Variants in SNX25 observed in about 807,000 individuals in gnomAD.
SNX25 encodes the protein sorting nexin 25, also known as sorting nexin-25.
SNX25 carries 62 observed loss-of-function variants against 113.7 expected under a neutral mutation model. The observed-to-expected ratio is 0.55, with a 90% CI of 0.44 to 0.67. The LOEUF is 0.67. Ranked by LOEUF, SNX25 falls within the 30% of genes least tolerant of loss-of-function variation. The pLI is 0.00. For synonymous variants in SNX25, 421 were observed against 436.2 expected (o/e 0.97, Z 0.43); for missense variants, 1,014 against 1,161.0 (o/e 0.87, Z 1.84).
chr4:185,305,152 G>A (rs1439258838), intron 6 of SNX25, among the ~76,000 whole-genome samples: 1 of 152,126 alleles, frequency 6.6e-6, no homozygotes, highest in Non-Finnish European at 1.5e-5. Context: ...TTTGGTTGTC[G>A]TCTTTGGGGG....
At chr4:185,216,516 T>G (rs1194568244) in intron 1 of SNX25, among the ~76,000 whole-genome samples, 1 of 120,072 alleles carries the variant, frequency 8.3e-6, no homozygotes, top group Non-Finnish European at 2.0e-5. Flanking sequence ...GTATTTGGTT[T>G]TTTTTTTTTT....
Position 185,258,892 on chromosome 4 carries a change from A to G in SNX25, c.559A>G (p.Asn187Asp). The G allele has an allele frequency of 6.2e-7, 1 of 1,614,088 alleles. No homozygotes were observed. Among genetic ancestry groups the G allele is most frequent in the South Asian group, 1.1e-5 (1 of 91,080 alleles). ...AGATTACATTCTGTCCTGGTATGGA[A>G]ACCTCAGCAGAGATGAGGGACAACT... is the stretch of plus-strand genomic sequence containing the variant. ...YRDYILSWYG[N>D]LSRDEGQLYH... is the part of the protein sequence containing the mutation. Residue 187 changes from asparagine (N) to aspartate (D), a missense_variant, in exon 3 of 19, where the codon AAC becomes GAC. Physicochemically the swap from Asn to Asp is conservative, Grantham distance 23. Coordinates refer to ENST00000652585, the MANE Select transcript of SNX25 (RefSeq NM_001378034.2).
At chr4:185,332,532 C>G in intron 9 of SNX25, 63 bp from the exon 10 acceptor site, 1 of 1,443,832 alleles carries the variant, frequency 6.9e-7, no homozygotes, top group Non-Finnish European at 9.3e-7. Flanking sequence ...GGTATCGTGA[C>G]CGATAATAAT....
chr4:185,226,675 TC>T (rs942023638), intron 1 of SNX25, among the ~76,000 whole-genome samples: 15 of 152,328 alleles, frequency 9.8e-5, no homozygotes, highest in African/African-American at 3.4e-4. Flanking sequence ...GGTCTTGAAC[TC>T]CTGGGCTCAA....
At chr4:185,268,972 T>C (rs1198537700) in intron 5 of SNX25, among the ~76,000 whole-genome samples, 1 of 152,222 alleles carries the variant, frequency 6.6e-6, no homozygotes, top group African/African-American at 2.4e-5. Context: ...TATCTGGAGA[T>C]TTAATGTTTC....
Position 185,282,560 on chromosome 4 carries a change from A to G in SNX25, c.1092-5452A>G, listed in dbSNP as rs866614382. Among the ~76,000 whole-genome samples the G allele has an allele frequency of 2.0e-5, 3 of 152,278 alleles. No homozygotes were observed. In the Middle Eastern group the frequency reaches 0.01, roughly 518 times the overall value. ...TGTTGGGACGTGTTCAGAAACACAA[A>G]CTTGCTCTTTTTATTTAGCCACTTG... is the stretch of plus-strand genomic sequence containing the variant. On this transcript the variant is annotated intron_variant, in intron 5 of 18. Coordinates refer to ENST00000652585, the MANE Select transcript of SNX25 (RefSeq NM_001378034.2).
At chr4:185,344,664 T>C (rs2095276320) in intron 12 of SNX25, among the ~76,000 whole-genome samples, 1 of 150,146 alleles carries the variant, frequency 6.7e-6, no homozygotes, top group Non-Finnish European at 1.5e-5. Context: ...AAAACAAAGT[T>C]TGAAAACACG....
chr4:185,239,783 T>C (rs1010017326), intron 1 of SNX25, among the ~76,000 whole-genome samples: 1 of 149,700 alleles, frequency 6.7e-6, no homozygotes, highest in African/African-American at 2.4e-5. Context: ...TCTTTTTTTT[T>C]TTTTTTATTG....
chr4:185,252,686 T>C (rs531365300), intron 2 of SNX25, among the ~76,000 whole-genome samples: 1 of 152,342 alleles, frequency 6.6e-6, no homozygotes, highest in South Asian at 2.1e-4. Context: ...TGTGTGTAGA[T>C]ATTTTTGTCA....
At chr4:185,289,657 T>C (rs111613662) in intron 6 of SNX25, among the ~76,000 whole-genome samples, 1,709 of 152,306 alleles carry the variant, frequency 0.011, 22 homozygotes, top group South Asian at 0.05. Context: ...GATGAATTCC[T>C]GCAAGAGTGT....
chr4:185,210,054 C>T lies in SNX25; in HGVS notation c.228C>T (p.Pro76=). ...LAAVALSFLG[P]GSGEAAGAAG... is the part of the protein sequence containing the mutation. Reference sequence around the variant, plus strand: ...CCGTGGCCCTCTCCTTCCTGGGGCCCGGCAGCGGGGAGGCGGCGGGGGCCG... The same window carrying T: ...CCGTGGCCCTCTCCTTCCTGGGGCCTGGCAGCGGGGAGGCGGCGGGGGCCG... The change falls in exon 1 of 19, where the codon CCC becomes CCT. Residue 76 remains proline, a synonymous_variant. Transcript: ENST00000652585. The surrounding 1 kb of genome is among the most constrained non-coding windows in gnomAD (Gnocchi z 4.4). The T allele has an allele frequency of 1.0e-6, 1 of 983,274 alleles. No individual in the cohort carries two copies. Among genetic ancestry groups the T allele is most frequent in the African/African-American group, 1.8e-5 (1 of 57,018 alleles). The allele number at this position is 983,274 out of a possible 1,614,324, so 60.9% of individuals were successfully genotyped here.
chr4:185,244,011 T>C (rs1485385223), intron 1 of SNX25, among the ~76,000 whole-genome samples: 1 of 152,200 alleles, frequency 6.6e-6, no homozygotes, highest in East Asian at 1.9e-4. Context: ...TTCTTTCTTT[T>C]TTTTGAGACA....
chr4:185,351,708 A>G (rs60117447), intron 14 of SNX25, 99 bp downstream of exon 14: 26,697 of 1,262,764 alleles, frequency 0.021, 474 homozygotes, highest in Middle Eastern at 0.067. Flanking sequence ...ATTTTCAGTC[A>G]TTAGCACTGT....
chr4:185,216,859 A>G (rs948086805), intron 1 of SNX25, among the ~76,000 whole-genome samples: 4 of 152,152 alleles, frequency 2.6e-5, no homozygotes, highest in Non-Finnish European at 4.4e-5. Context: ...AATCATCTAA[A>G]GGAAGCAATA....
chr4:185,230,934 A>G (rs563521567), intron 1 of SNX25, among the ~76,000 whole-genome samples: 6 of 152,250 alleles, frequency 3.9e-5, no homozygotes, highest in East Asian at 3.9e-4. Flanking sequence ...CAAGTTACAG[A>G]TAGGGGCTTC....
chr4:185,256,513 C>T (rs1265335796), intron 2 of SNX25, among the ~76,000 whole-genome samples: 1 of 152,050 alleles, frequency 6.6e-6, no homozygotes, highest in Non-Finnish European at 1.5e-5. Context: ...CTTCCTTTGA[C>T]CTGTGGGCAC....
chr4:185,258,558 A>C (rs1177508501), intron 2 of SNX25, among the ~76,000 whole-genome samples: 1 of 152,160 alleles, frequency 6.6e-6, no homozygotes, highest in African/African-American at 2.4e-5. Flanking sequence ...GCCACTACAT[A>C]AGATGCTCTG....
chr4:185,371,540 T>TAAAAAA (rs11288148), downstream of SNX25, among the ~76,000 whole-genome samples: 1 of 78,302 alleles, frequency 1.3e-5, no homozygotes, highest in Admixed American at 1.6e-4. Context: ...AGACTCCGTC[T>TAAAAAA]AAAAAAAAAA....
At chr4:185,251,269 A>G (rs889729221) in intron 2 of SNX25, among the ~76,000 whole-genome samples, 3 of 152,208 alleles carry the variant, frequency 2.0e-5, no homozygotes, top group African/African-American at 7.2e-5. Context: ...TGCTGGGATT[A>G]TAGGCATGAG....
Sources: allele counts gnomAD v4.1 joint callset (sites outside exome capture counted in the v4.1 genomes callset), GRCh38; gene constraint gnomAD v4.1.1; non-coding constraint Gnocchi (gnomAD v3.1); transcripts MANE v1.5; gene names NCBI Gene and HGNC (gene_info 2026-07-23, HGNC 2026-07-21).